OPCML: variants seen among roughly 807,000 people sequenced by gnomAD.
OPCML encodes the protein opioid-binding protein/cell adhesion molecule.
Under a neutral mutation model 37.8 loss-of-function variants are expected in OPCML, and 13 were observed. That is an observed-to-expected ratio of 0.34 (90% CI 0.22 to 0.55). OPCML has a LOEUF of 0.55. OPCML is among the 20% of genes least tolerant of loss of function. The probability of loss-of-function intolerance (pLI) is 0.91; values close to 1 mark genes in which losing one functional copy is unlikely to be tolerated. For synonymous variants in OPCML, 176 were observed against 168.8 expected (o/e 1.04, Z -0.33); for missense variants, 341 against 435.6 (o/e 0.78, Z 1.93).
chr11:132,562,633 GAGGATATA>G (rs2096413039), intron 3 of OPCML, among the ~76,000 whole-genome samples: 1 of 152,014 alleles, frequency 6.6e-6, no homozygotes, highest in South Asian at 2.1e-4. Flanking sequence ...CAGTGTGCCT[GAGGATATA>G]TGAGGGAGAA....
At chr11:132,972,171 G>C (rs567241164) in intron 1 of OPCML, among the ~76,000 whole-genome samples, 3 of 152,092 alleles carry the variant, frequency 2.0e-5, no homozygotes, top group Non-Finnish European at 4.4e-5. Flanking sequence ...TCCTGATTTT[G>C]GGTGGCTCTG....
At chr11:133,064,504 A>ACTGTCG (rs141335856) in intron 1 of OPCML, among the ~76,000 whole-genome samples, 2,911 of 152,294 alleles carry the variant, frequency 0.019, 91 homozygotes, top group African/African-American at 0.066. Context: ...CCTACCAGAG[A>ACTGTCG]CTGTCGCTGG....
At chr11:133,096,204 T>C (rs760949937) in intron 1 of OPCML, among the ~76,000 whole-genome samples, 26 of 151,928 alleles carry the variant, frequency 1.7e-4, no homozygotes, top group Middle Eastern at 6.8e-3. Flanking sequence ...GGATGGGGAA[T>C]AAATGAATTT....
At chr11:132,485,359 T>TTTTG (rs933086877) in intron 4 of OPCML, among the ~76,000 whole-genome samples, 10 of 152,278 alleles carry the variant, frequency 6.6e-5, no homozygotes, top group African/African-American at 1.7e-4. Flanking sequence ...TCTTTGTGTT[T>TTTTG]TTTGTTTGTT....
At chr11:133,296,271 A>G (rs1289130521) in intron 1 of OPCML, among the ~76,000 whole-genome samples, 1 of 152,194 alleles carries the variant, frequency 6.6e-6, no homozygotes, top group South Asian at 2.1e-4. Context: ...CTCAAAATAC[A>G]CTGTCGTCCT....
chr11:132,436,394 G>T, intron 6 of OPCML, 157 bp from the exon 7 acceptor site: 2 of 984,278 alleles, frequency 2.0e-6, no homozygotes, highest in Non-Finnish European at 2.4e-6. Context: ...TGCCCAATGG[G>T]ATAAATGTAC....
Position 132,437,253 on chromosome 11 carries a change from G to C in OPCML, c.612C>G (p.Pro204=). 1.2e-6 allele frequency: 2 copies of C among 1,614,038 alleles called. No individual in the cohort carries two copies. The highest frequency in any genetic ancestry group is 2.2e-5 in the East Asian group (1 of 44,874). ...CAGTGATTTTTACTTTCCGCACATC[G>C]GGCGCAGCGACATCGTTCAACGCGC... ...ECSALNDVAA[P]DVRKVKITVN... The change falls in exon 5 of 8, where the codon CCC becomes CCG. Residue 204 remains proline, a synonymous_variant. Transcript: ENST00000524381.
At chr11:132,633,705 G>A (rs926966143) in intron 3 of OPCML, among the ~76,000 whole-genome samples, 4 of 152,116 alleles carry the variant, frequency 2.6e-5, no homozygotes, top group African/African-American at 9.7e-5. Context: ...CTTCTCCCTG[G>A]TGGTAAGGGG....
At chr11:132,873,370 C>T (rs4937737) in intron 2 of OPCML, among the ~76,000 whole-genome samples, 31,373 of 152,166 alleles carry the variant, frequency 0.21, 3,887 homozygotes, top group Non-Finnish European at 0.29. Context: ...TAAACCATTT[C>T]AGTTATTTCA....
At chr11:132,846,419 T>A (rs1049542893) in intron 2 of OPCML, among the ~76,000 whole-genome samples, 2 of 152,208 alleles carry the variant, frequency 1.3e-5, no homozygotes, top group South Asian at 2.1e-4. Flanking sequence ...ATAATTTATT[T>A]TAGCCTGCTC....
intron 4 of OPCML, among the ~76,000 whole-genome samples, chr11:132,467,537 G>A (rs2096123619): frequency 6.6e-6 from 1 of 152,210 alleles, no homozygotes. Context: ...TGAGTTAAGT[G>A]TTTATAGATG....
At chr11:132,828,901 T>C (rs1297684969) in intron 2 of OPCML, among the ~76,000 whole-genome samples, 1 of 152,222 alleles carries the variant, frequency 6.6e-6, no homozygotes, top group African/African-American at 2.4e-5. Context: ...GTGGCAGATG[T>C]TGAAGACAGT....
chr11:133,405,909 A>G (rs1945515360), intron 1 of OPCML, among the ~76,000 whole-genome samples: 1 of 152,168 alleles, frequency 6.6e-6, no homozygotes, highest in African/African-American at 2.4e-5. Flanking sequence ...AGTCCAGGCA[A>G]GGTAGAGGCA....
At chr11:133,039,922 G>A (rs570406153) in intron 1 of OPCML, among the ~76,000 whole-genome samples, 24 of 151,842 alleles carry the variant, frequency 1.6e-4, no homozygotes, top group East Asian at 5.9e-4. Context: ...CCAGCTACTC[G>A]GGAGGCTGAG....
chr11:133,078,959 G>T (rs550462729), intron 1 of OPCML, among the ~76,000 whole-genome samples: 23 of 152,176 alleles, frequency 1.5e-4, no homozygotes, highest in Admixed American at 1.1e-3. Context: ...CCGAGGCCAC[G>T]TGAATCTTTT....
intron 2 of OPCML, among the ~76,000 whole-genome samples, chr11:132,851,543 C>A (rs1941809674): frequency 6.6e-6 from 1 of 152,154 alleles, no homozygotes; most frequent in Non-Finnish European, 1.5e-5. Context: ...AAAGGGTTCA[C>A]TTTTACTACG....
chr11:132,985,496 G>C (rs1170779485), intron 1 of OPCML, among the ~76,000 whole-genome samples: 1 of 152,162 alleles, frequency 6.6e-6, no homozygotes, highest in Admixed American at 6.5e-5. Context: ...CTTCTGCAAG[G>C]CCAGCAAAAG....
chr11:133,160,714 G>A (rs1424985255), intron 1 of OPCML, among the ~76,000 whole-genome samples: 1 of 152,202 alleles, frequency 6.6e-6, no homozygotes. Context: ...GCCTGGTGAG[G>A]GACCCCTCCA....
At chr11:132,651,236 A>T (rs1409343831) in intron 3 of OPCML, among the ~76,000 whole-genome samples, 1 of 152,168 alleles carries the variant, frequency 6.6e-6, no homozygotes, top group Admixed American at 6.5e-5. Flanking sequence ...CTACAGAGTA[A>T]ATATACCCGG....
Sources: allele counts gnomAD v4.1 joint callset (sites outside exome capture counted in the v4.1 genomes callset), GRCh38; gene constraint gnomAD v4.1.1; transcripts MANE v1.5; gene names NCBI Gene and HGNC (gene_info 2026-07-23, HGNC 2026-07-21).